DHX58: variants seen among roughly 807,000 people sequenced by gnomAD.
The protein encoded by DHX58 is ATP-dependent RNA helicase DHX58.
DHX58 carries 51 observed loss-of-function variants against 65.0 expected under a neutral mutation model. The ratio of observed to expected loss-of-function variants is 0.78; its 90% CI spans 0.63 to 0.99. The LOEUF is 0.99. Among genes scored for constraint, DHX58 ranks in the 50% least tolerant of loss-of-function variants. DHX58 has a pLI of 0.00. For synonymous variants in DHX58, 350 were observed against 365.0 expected (o/e 0.96, Z 0.47); for missense variants, 773 against 891.8 (o/e 0.87, Z 1.70).
Position 42,104,660 on chromosome 17 carries a change from G to A in DHX58, c.1563+106C>T, listed in dbSNP as rs1332038916. On this transcript the variant is annotated intron_variant, in intron 11 of 13. Coordinates refer to ENST00000251642, the MANE Select transcript of DHX58 (RefSeq NM_024119.3). ...TCCCTAGGTGGCCAAAGTTAGCCCCGAGATGTAGAGGGGACAGGGGGACGT... is the reference window on the plus strand; with the variant it reads ...TCCCTAGGTGGCCAAAGTTAGCCCCAAGATGTAGAGGGGACAGGGGGACGT... 8 of 1,456,000 alleles carry A rather than the reference G, an allele frequency of 5.5e-6. No individual in the cohort carries two copies. In the Admixed American group the frequency reaches 1.3e-4, roughly 24 times the overall value. The allele number at this position is 1,456,000 out of a possible 1,614,324, so 90.2% of individuals were successfully genotyped here. A position where few individuals can be genotyped will look rare whatever the true frequency, so the allele number is the denominator to read the frequency against.
chr17:42,105,764 T>C lies in DHX58; in HGVS notation c.1223A>G (p.Asn408Ser). The C allele has an allele frequency of 6.3e-7, 1 of 1,595,260 alleles. No homozygotes were observed. Among genetic ancestry groups the C allele is most frequent in the Non-Finnish European group, 8.5e-7 (1 of 1,170,140 alleles). The change falls in exon 9 of 14, where the codon AAC becomes AGC. Residue 408 changes from asparagine (N) to serine (S), a missense_variant. By Grantham distance (46) the Asn-to-Ser change is conservative. Coordinates refer to ENST00000251642, the MANE Select transcript of DHX58 (RefSeq NM_024119.3). ...IRAQLLIGAG[N>S]SSQSTHMTQR... is the part of the protein sequence containing the mutation. ...GGTCATGTGGGTGCTCTGGCTGCTG[T>C]TCCCAGCCCCAATCAGTAGCTGGGC...
In DHX58 at chr17:42,107,586, C is replaced by G. The variant is rs781819927; in HGVS notation, c.997+18G>C. On this transcript the variant is annotated intron_variant, in intron 8 of 13. Coordinates refer to ENST00000251642, the MANE Select transcript of DHX58 (RefSeq NM_024119.3). ...GGTCCCATCATCCCCGGCCCCGAAG[C>G]CCCCTCCCGCCCCTCACCATCGAAC... The G allele has an allele frequency of 1.3e-6, 2 of 1,551,158 alleles. No homozygotes were observed. Among genetic ancestry groups the G allele is most frequent in the East Asian group, 4.6e-5 (2 of 43,530 alleles).
Position 42,102,258 on chromosome 17 carries a change from G to A in DHX58, c.1809C>T (p.Asp603=). ...AGCTGATGACACCCCCAGGCTTCCA[G>A]TCCTTGAAGACTTTGTTGATGACCA... is the stretch of plus-strand genomic sequence containing the variant. ...DPVVINKVFK[D]WKPGGVISCR... Residue 603 remains aspartate, a synonymous_variant, in exon 13 of 14, where the codon GAC becomes GAT. Coordinates refer to ENST00000251642, the MANE Select transcript of DHX58 (RefSeq NM_024119.3). 1.2e-6 allele frequency: 2 copies of A among 1,614,186 alleles called. No homozygotes were observed. The highest frequency in any genetic ancestry group is 1.7e-6 in the Non-Finnish European group (2 of 1,180,022).
chr17:42,111,613 G>A, intron 3 of DHX58, 112 bp downstream of exon 3: 2 of 1,569,172 alleles, frequency 1.3e-6, no homozygotes, highest in Non-Finnish European at 1.7e-6. Context: ...AAAGACAGGT[G>A]AGCTTAGCGA....
Position 42,112,151 on chromosome 17 carries a change from T to G in DHX58, c.-40A>C, listed in dbSNP as rs1568007315. ...TAGGTCTGCCCAGGGCAGTCCCACT[T>G]AACTCAGCCTGGTGCCACTCTGCTC... On this transcript the variant is annotated 5_prime_UTR_variant, in exon 2 of 14. Coordinates refer to ENST00000251642, the MANE Select transcript of DHX58 (RefSeq NM_024119.3). The G allele has an allele frequency of 5.3e-6, 2 of 376,214 alleles. No homozygotes were observed. The highest frequency in any genetic ancestry group is 8.8e-5 in the East Asian group (2 of 22,672). 23.3% of individuals were successfully genotyped at this position (376,214 alleles called of 1,614,324 possible).
chr17:42,101,941 C>G lies in DHX58; in HGVS notation c.1857G>C (p.Trp619Cys). 6.2e-7 allele frequency: 1 copy of G among 1,610,160 alleles called. No individual in the cohort carries two copies. Among genetic ancestry groups the G allele is most frequent in the Non-Finnish European group, 8.5e-7 (1 of 1,177,928 alleles). ...CTGACTTGTAGATCATCTGCAGACCCCAGACCTGGAGGTGAGACAGAGAGG... is the reference window on the plus strand; with the variant it reads ...CTGACTTGTAGATCATCTGCAGACCGCAGACCTGGAGGTGAGACAGAGAGG... ...VISCRNCGEV[W>C]GLQMIYKSVK... Residue 619 changes from tryptophan to cysteine, a missense_variant, in exon 14 of 14, where the codon TGG (tryptophan) becomes TGC (cysteine). Coordinates refer to ENST00000251642, the MANE Select transcript of DHX58 (RefSeq NM_024119.3).
intron 7 of DHX58, 75 bp downstream of exon 7, chr17:42,107,907 G>T: frequency 1.9e-6 from 3 of 1,590,452 alleles, no homozygotes; most frequent in African/African-American, 1.4e-5. Context: ...CCGCCCCAAA[G>T]GCCTCCGCCC....
chr17:42,110,681 T>C (rs1555663874), intron 5 of DHX58, 42 bp downstream of exon 5: 1 of 1,538,510 alleles, frequency 6.5e-7, no homozygotes, highest in Non-Finnish European at 8.7e-7. Flanking sequence ...GGGAAGTCCC[T>C]GGTGGGTCTG....
intron 6 of DHX58, among the ~76,000 whole-genome samples, chr17:42,108,340 T>C (rs1555663306): frequency 6.6e-6 from 1 of 152,192 alleles, no homozygotes; most frequent in Non-Finnish European, 1.5e-5. Flanking sequence ...GTAAGGCACA[T>C]GGACGTGCTT....
intron 6 of DHX58, among the ~76,000 whole-genome samples, chr17:42,108,639 C>T (rs1277120532): frequency 6.6e-6 from 1 of 152,210 alleles, no homozygotes; most frequent in East Asian, 1.9e-4. Context: ...CCGCTTGTGC[C>T]CAGAGGGAAA....
Position 42,111,739 on chromosome 17 carries a change from CA to C in DHX58, c.153del (p.Val52TyrfsTer9). ...HLETVDGAKV[V>X]VLVNRVHLVT... ...AGACCACTCACCCTGTTGACCAATACAACCACCTTGGCTCCATCCACAGTCT... is the reference window on the plus strand; with the variant it reads ...AGACCACTCACCCTGTTGACCAATACACCACCTTGGCTCCATCCACAGTCT... On this transcript the variant is annotated frameshift_variant, in exon 3 of 14. Coordinates refer to ENST00000251642, the MANE Select transcript of DHX58 (RefSeq NM_024119.3). LOFTEE classifies it high-confidence loss of function. 1 of 1,611,812 alleles carries C rather than the reference CA, an allele frequency of 6.2e-7. No individual in the cohort carries two copies.
At chr17:42,106,317 G>GGAGGGAAA (rs1568003612) in intron 8 of DHX58, among the ~76,000 whole-genome samples, 1 of 143,406 alleles carries the variant, frequency 7.0e-6, no homozygotes, top group African/African-American at 2.7e-5. Flanking sequence ...AGGGAGGGAG[G>GGAGGGAAA]GAAAGAAAGA....
chr17:42,110,313 G>A (rs1049523019), intron 5 of DHX58, among the ~76,000 whole-genome samples: 1 of 152,136 alleles, frequency 6.6e-6, no homozygotes, highest in African/African-American at 2.4e-5. Context: ...GTGGCATTAA[G>A]CTGTTCAATG....
At chr17:42,111,664 T>C in intron 3 of DHX58, 61 bp downstream of exon 3, 2 of 1,575,418 alleles carry the variant, frequency 1.3e-6, no homozygotes, top group African/African-American at 1.3e-5. Flanking sequence ...GACTGGGAGA[T>C]GCCTGAAGAG....
rs781852067 is a variant in DHX58 at position 42,109,373 on chromosome 17, A to C, written c.575T>G (p.Leu192Trp). Residue 192 changes from leucine to tryptophan, a missense_variant, in exon 6 of 14, where the codon TTG becomes TGG. Leu to Trp is a moderately conservative substitution (Grantham distance 61). Transcript: ENST00000251642. The stretch of plus-strand genomic sequence containing the variant: ...GGGTGACATGATGCACCACGTGTCC[A>C]AGTTGGCACAGAGCTGGGGGCAACA... ...INHVLQLCANLDTWCIMSPQN... is the reference protein window; with the variant it reads ...INHVLQLCANWDTWCIMSPQN... 9 of 1,613,410 alleles carry C rather than the reference A, an allele frequency of 5.6e-6. No homozygotes were observed. In the South Asian group the frequency reaches 8.8e-5, roughly 16 times the overall value.
chr17:42,107,708 C>A lies in DHX58; in HGVS notation c.893G>T (p.Arg298Leu), dbSNP rs1555663064. The change falls in exon 8 of 14, where the codon CGC (arginine) becomes CTC (leucine). Residue 298 changes from arginine (R) to leucine (L), a missense_variant. Coordinates refer to ENST00000251642, the MANE Select transcript of DHX58 (RefSeq NM_024119.3). ...NDALLIHDTV[R>L]AVDALAALQD... ...CAGCGCAGCCAAGGCATCCACGGCG[C>A]GGACGGTGTCATGGATGAGCAGCGC... The A allele has an allele frequency of 9.3e-6, 15 of 1,611,254 alleles. No homozygotes were observed. Among genetic ancestry groups the A allele is most frequent in the Non-Finnish European group, 1.3e-5 (15 of 1,178,716 alleles).
At chr17:42,103,886 T>A in intron 11 of DHX58, 88 bp from the exon 12 acceptor site, 4 of 1,417,216 alleles carry the variant, frequency 2.8e-6, no homozygotes, top group Non-Finnish European at 3.8e-6. Context: ...TAAGATCATT[T>A]GTACCTGGAA....
chr17:42,108,147 T>C (rs1555663240), intron 6 of DHX58, 39 bp from the exon 7 acceptor site: 2 of 1,613,592 alleles, frequency 1.2e-6, no homozygotes, highest in Admixed American at 3.3e-5. Context: ...CCCATACACG[T>C]TGGAGGATGG....
In DHX58 at chr17:42,112,518, G is replaced by C. The variant is rs185972779; in HGVS notation, c.-95+87C>G. 983 of 62,580 alleles carry C rather than the reference G, an allele frequency of 0.016. 43 individuals carry two copies. The East Asian group carries it at 0.21, about 13-fold the overall frequency. 3.9% of individuals were successfully genotyped at this position (62,580 alleles called of 1,614,324 possible). ...GACTCCACCCCACTTGAGGGAGGTG[G>C]GGGGGGGGACACCCTCAAAACTCAT... is the stretch of plus-strand genomic sequence containing the variant. On this transcript the variant is annotated intron_variant, in intron 1 of 13. Coordinates refer to ENST00000251642, the MANE Select transcript of DHX58 (RefSeq NM_024119.3).
Sources: allele counts gnomAD v4.1 joint callset (sites outside exome capture counted in the v4.1 genomes callset), GRCh38; gene constraint gnomAD v4.1.1; transcripts MANE v1.5; gene names NCBI Gene and HGNC (gene_info 2026-07-23, HGNC 2026-07-21).